The following ABCA12 variants were observed in gnomAD, a reference collection of about 807,000 sequenced individuals.
ABCA12 encodes ATP binding cassette subfamily A member 12.
In ABCA12, 156 loss-of-function variants were observed where a neutral mutation model predicts 293.5. That is an observed-to-expected ratio of 0.53 (90% CI 0.47 to 0.61). The LOEUF (loss-of-function observed/expected upper bound fraction) is 0.61. Among genes scored for constraint, ABCA12 ranks in the 20% least tolerant of loss-of-function variants. The probability of loss-of-function intolerance (pLI) is 0.00; values close to 1 mark genes in which losing one functional copy is unlikely to be tolerated. For synonymous variants in ABCA12, 1,063 were observed against 1,108.0 expected, an observed-to-expected ratio of 0.96 and a Z score of 0.81; for missense variants, 2,797 against 3,090.2, an observed-to-expected ratio of 0.91 and a Z score of 2.25.
At chr2:215,027,002 G>A (rs1028079115) in intron 9 of ABCA12, 64 bp from the exon 10 acceptor site, 1 of 1,242,370 alleles carries the variant, frequency 8.0e-7, no homozygotes, top group Non-Finnish European at 1.2e-6. Flanking sequence ...CCGTTTTGTT[G>A]AGATCATTTT....
At chr2:214,946,765 T>C (rs1018031522) in intron 48 of ABCA12, among the ~76,000 whole-genome samples, 5 of 152,116 alleles carry the variant, frequency 3.3e-5, no homozygotes, top group African/African-American at 1.2e-4. Flanking sequence ...TTTGACAAAG[T>C]TAGACTTGGG....
intron 2 of ABCA12, among the ~76,000 whole-genome samples, chr2:215,100,215 C>G (rs1429451284): frequency 1.3e-5 from 2 of 151,978 alleles, no homozygotes; most frequent in Non-Finnish European, 2.9e-5. Context: ...GAGATTGTGT[C>G]TCCCTCTGTT....
intron 2 of ABCA12, among the ~76,000 whole-genome samples, chr2:215,109,359 A>T (rs1261903635): frequency 6.6e-6 from 1 of 152,182 alleles, no homozygotes; most frequent in African/African-American, 2.4e-5. Context: ...GGCAAACTGT[A>T]ATCTCCCTGT....
chr2:214,958,559 G>A (rs1474821376), intron 40 of ABCA12, 105 bp from the exon 41 acceptor site: 16 of 1,254,362 alleles, frequency 1.3e-5, no homozygotes, highest in Non-Finnish European at 1.5e-5. Context: ...TACAAGAGTT[G>A]GCTGTGACAC....
chr2:215,062,988 A>G (rs1276905497), intron 3 of ABCA12, among the ~76,000 whole-genome samples: 1 of 151,992 alleles, frequency 6.6e-6, no homozygotes, highest in Non-Finnish European at 1.5e-5. Context: ...CCTGGCACAT[A>G]GAAGCCTCTC....
chr2:214,949,839 T>C (rs1698698601), intron 45 of ABCA12, among the ~76,000 whole-genome samples: 2 of 152,170 alleles, frequency 1.3e-5, no homozygotes, highest in African/African-American at 4.8e-5. Context: ...TGGACAGTAG[T>C]TTAGGAAGGG....
At chr2:215,058,273 G>C (rs553579005) in intron 3 of ABCA12, among the ~76,000 whole-genome samples, 4 of 152,130 alleles carry the variant, frequency 2.6e-5, no homozygotes, top group African/African-American at 9.6e-5. Context: ...CTGGCATCTA[G>C]TGAGTAGAGG....
In ABCA12 at chr2:215,025,893, C is replaced by T. The variant is rs942555909; in HGVS notation, c.1181-114G>A. ...ACTAAATTTTTCCTAAGATAATAGC[C>T]TACCTCAATACAAACATAAGATGAA... On this transcript the variant is annotated intron_variant, in intron 10 of 52. Coordinates refer to ENST00000272895, the MANE Select transcript of ABCA12 (RefSeq NM_173076.3). 3 of 710,738 alleles carry T rather than the reference C, an allele frequency of 4.2e-6. No individual in the cohort carries two copies. In the African/African-American group the frequency reaches 5.3e-5, roughly 13 times the overall value. The allele number at this position is 710,738 out of a possible 1,614,324, so 44.0% of individuals were successfully genotyped here. A position where few individuals can be genotyped will look rare whatever the true frequency, so the allele number is the denominator to read the frequency against.
chr2:215,111,807 C>T, intron 1 of ABCA12, 117 bp from the exon 2 acceptor site: 1 of 749,370 alleles, frequency 1.3e-6, no homozygotes, highest in African/African-American at 1.8e-5. Flanking sequence ...AATATTTGAC[C>T]AACTGTAGAT....
intron 9 of ABCA12, among the ~76,000 whole-genome samples, chr2:215,027,812 A>G (rs1187801001): frequency 6.6e-6 from 1 of 152,168 alleles, no homozygotes; most frequent in African/African-American, 2.4e-5. Context: ...TTAATTTTGA[A>G]TTAATGGGAT....
At chr2:215,019,256 A>T (rs1478907252) in intron 13 of ABCA12, 80 bp downstream of exon 13, 8 of 1,371,828 alleles carry the variant, frequency 5.8e-6, no homozygotes, top group Non-Finnish European at 8.3e-6. Context: ...TGGGAACTTC[A>T]AAAAAGCTTT....
At chr2:215,129,973 T>C (rs1703017218) in intron 1 of ABCA12, among the ~76,000 whole-genome samples, 1 of 152,246 alleles carries the variant, frequency 6.6e-6, no homozygotes, top group Non-Finnish European at 1.5e-5. Flanking sequence ...GCACCATTTA[T>C]TGAATAGGAT....
At chr2:215,009,343 A>G (rs1035590358) in intron 18 of ABCA12, among the ~76,000 whole-genome samples, 1 of 152,160 alleles carries the variant, frequency 6.6e-6, no homozygotes, top group Non-Finnish European at 1.5e-5. Context: ...ATCAGGAAAA[A>G]TAACTAATGG....
chr2:214,943,856 A>G (rs1698488964), intron 49 of ABCA12, among the ~76,000 whole-genome samples: 1 of 152,238 alleles, frequency 6.6e-6, no homozygotes, highest in Non-Finnish European at 1.5e-5. Flanking sequence ...GATTGGCTCC[A>G]TTGTGCTGGG....
intron 2 of ABCA12, among the ~76,000 whole-genome samples, chr2:215,065,007 T>C (rs1701613933): frequency 6.6e-6 from 1 of 151,922 alleles, no homozygotes; most frequent in Non-Finnish European, 1.5e-5. Flanking sequence ...TAGTGAATGG[T>C]ATGAATGAAA....
At chr2:215,043,633 T>A (rs936808098) in intron 7 of ABCA12, among the ~76,000 whole-genome samples, 1 of 152,108 alleles carries the variant, frequency 6.6e-6, no homozygotes, top group Non-Finnish European at 1.5e-5. Flanking sequence ...ATAATTTAAA[T>A]ACAATAAGAT....
In ABCA12 at chr2:215,018,046, T is replaced by A; in HGVS notation, c.1744A>T (p.Lys582Ter). The A allele has an allele frequency of 6.2e-7, 1 of 1,614,154 alleles. No homozygotes were observed. Among genetic ancestry groups the A allele is most frequent in the Non-Finnish European group, 8.5e-7 (1 of 1,180,014 alleles). The change falls in exon 14 of 53, where the codon AAG becomes TAG. Residue 582 changes from lysine (K) to a stop codon, truncating the protein, a stop_gained. Coordinates refer to ENST00000272895, the MANE Select transcript of ABCA12 (RefSeq NM_173076.3). LOFTEE classifies it high-confidence loss of function. ...TCAGGGATGGGAATGGCCAGCAACTTGTCAATAGTCCTGTTGGACATTCCT... is the reference window on the plus strand; with the variant it reads ...TCAGGGATGGGAATGGCCAGCAACTAGTCAATAGTCCTGTTGGACATTCCT... The part of the protein sequence containing the change: ...TTGMSNRTID[K>*]LLAIPIPDNR...
intron 2 of ABCA12, among the ~76,000 whole-genome samples, chr2:215,098,637 G>A (rs10206057): frequency 0.018 from 2,776 of 152,320 alleles, 102 homozygotes; most frequent in African/African-American, 0.064. Context: ...TCTGTTAGCT[G>A]TGCCAACAGC....
chr2:215,116,751 G>GA (rs1702695032), intron 1 of ABCA12, among the ~76,000 whole-genome samples: 1 of 151,962 alleles, frequency 6.6e-6, no homozygotes, highest in East Asian at 1.9e-4. Flanking sequence ...TGATGAAACG[G>GA]AAAAAAGCAT....
Sources: allele counts gnomAD v4.1 joint callset (sites outside exome capture counted in the v4.1 genomes callset), GRCh38; gene constraint gnomAD v4.1.1; transcripts MANE v1.5; gene names NCBI Gene and HGNC (gene_info 2026-07-23, HGNC 2026-07-21).